DMD: variants seen among roughly 807,000 people sequenced by gnomAD.
DMD encodes mutant dystrophin.
A neutral mutation model predicts 330.1 loss-of-function variants in DMD; 63 were observed. That is an observed-to-expected ratio of 0.19 (90% CI 0.16 to 0.24). DMD has a LOEUF of 0.24. Ranked by LOEUF, DMD falls within the 10% of genes least tolerant of loss-of-function variation. The pLI is 1.00. For synonymous variants in DMD, 1,223 were observed against 959.8 expected (o/e 1.27, Z -5.07); for missense variants, 3,344 against 2,684.1 (o/e 1.25, Z -5.43).
chrX:31,284,910 C>T (rs1272307591), intron 62 of DMD, among the ~76,000 whole-genome samples: 1 of 109,647 alleles, frequency 9.1e-6, no homozygotes, highest in Non-Finnish European at 1.9e-5. Context: ...TCACTCTCCT[C>T]CTGTCCCTCT....
At chrX:31,605,509 G>C (rs1342377939) in intron 55 of DMD, among the ~76,000 whole-genome samples, 1 of 111,798 alleles carries the variant, frequency 8.9e-6, no homozygotes, top group Non-Finnish European at 1.9e-5. Flanking sequence ...AAATGGGAAA[G>C]TATAATAAAT....
At chrX:32,944,318 T>C (rs1014494350) in intron 2 of DMD, among the ~76,000 whole-genome samples, 1 of 112,208 alleles carries the variant, frequency 8.9e-6, no homozygotes, top group Non-Finnish European at 1.9e-5. Flanking sequence ...TAAAATCATT[T>C]CTACATAGTT....
chrX:32,963,501 T>C (rs2091986404), intron 2 of DMD, among the ~76,000 whole-genome samples: 2 of 112,001 alleles, frequency 1.8e-5, no homozygotes, highest in Admixed American at 9.5e-5. Flanking sequence ...GGAGGTCTAA[T>C]CTCTCATCTT....
chrX:31,705,202 C>T (rs1216300970), intron 52 of DMD, among the ~76,000 whole-genome samples: 1 of 112,412 alleles, frequency 8.9e-6, no homozygotes, highest in African/African-American at 3.2e-5. Context: ...TGCAGAAAAA[C>T]AGAGTAAGAT....
intron 60 of DMD, among the ~76,000 whole-genome samples, chrX:31,385,114 T>G (rs2060387017): frequency 8.9e-6 from 1 of 112,137 alleles, no homozygotes; most frequent in Admixed American, 9.5e-5. Flanking sequence ...ACGTACAGGT[T>G]GTTGGAAGCA....
chrX:33,336,931 TC>T (rs1237718541), intron 1 of DMD, among the ~76,000 whole-genome samples: 1 of 111,184 alleles, frequency 9.0e-6, no homozygotes, highest in Non-Finnish European at 1.9e-5. Context: ...TGCCTGCTCT[TC>T]AGGTGCGTGG....
intron 2 of DMD, among the ~76,000 whole-genome samples, chrX:32,910,842 C>A: frequency 8.9e-6 from 1 of 112,123 alleles, no homozygotes; most frequent in East Asian, 2.8e-4. Flanking sequence ...AACTTGCTTT[C>A]TCTCAAGTAG....
At chrX:32,625,472 T>G (rs1483280108) in intron 11 of DMD, among the ~76,000 whole-genome samples, 1 of 112,042 alleles carries the variant, frequency 8.9e-6, no homozygotes, top group Non-Finnish European at 1.9e-5. Flanking sequence ...CGTGAATCCT[T>G]ATTTGCAAGT....
At chrX:32,921,467 A>T (rs2088391464) in intron 2 of DMD, among the ~76,000 whole-genome samples, 1 of 111,976 alleles carries the variant, frequency 8.9e-6, no homozygotes, top group Non-Finnish European at 1.9e-5. Flanking sequence ...GTTTGGTAGT[A>T]TACTGCGTTT....
chrX:32,891,444 G>C (rs2085191879), intron 2 of DMD, among the ~76,000 whole-genome samples: 1 of 112,388 alleles, frequency 8.9e-6, no homozygotes, highest in Non-Finnish European at 1.9e-5. Context: ...ATTTTTAAAA[G>C]TGATCTAAAT....
chrX:31,284,849 CACACACACACACA>C (rs1569517088), intron 62 of DMD, among the ~76,000 whole-genome samples: 1 of 106,765 alleles, frequency 9.4e-6, no homozygotes, highest in African/African-American at 3.6e-5. Context: ...CACACACACA[CACACACACACACA>C]CCCACACCCA....
chrX:33,324,225 A>G (rs1339619657), intron 1 of DMD, among the ~76,000 whole-genome samples: 2 of 110,976 alleles, frequency 1.8e-5, no homozygotes, highest in Middle Eastern at 8.5e-3. Flanking sequence ...AGTGAGTGAG[A>G]CGGAGAAAAG....
At position 32,890,790 on chromosome X, in the gene DMD, G is replaced by A. The variant is rs1356800282; in HGVS notation, c.94-40970C>T. On this transcript the variant is annotated intron_variant, in intron 2 of 78. Transcript: ENST00000357033. ...TTGAAATGGGACTAGCATAACTGAG[G>A]AAGCCAAATTTTCATTTTGCTTTAT... Among the ~76,000 whole-genome samples, 9 of 111,700 alleles carry A rather than the reference G, an allele frequency of 8.1e-5. No homozygotes were observed. The Admixed American group carries it at 8.6e-4, about 11-fold the overall frequency.
rs1447771744 is a variant in DMD at position 32,500,573 on chromosome X, G to T, written c.2380+1182C>A. On this transcript the variant is annotated intron_variant, in intron 19 of 78. Transcript: ENST00000357033. The stretch of plus-strand genomic sequence containing the variant: ...AAAGTGATAATACAGTTTCTAGGGG[G>T]AACTTACATAACAACTAGGAGAATA... Among the ~76,000 whole-genome samples the T allele has an allele frequency of 4.5e-5, 5 of 111,395 alleles. No individual in the cohort carries two copies. The East Asian group carries it at 1.1e-3, about 25-fold the overall frequency.
intron 44 of DMD, among the ~76,000 whole-genome samples, chrX:32,153,636 C>G (rs753702430): frequency 8.9e-6 from 1 of 111,967 alleles, no homozygotes; most frequent in East Asian, 2.8e-4. Flanking sequence ...CCAAGACTAT[C>G]CTAAGGAATT....
At chrX:33,218,395 A>C (rs998055612) in intron 1 of DMD, among the ~76,000 whole-genome samples, 1 of 111,405 alleles carries the variant, frequency 9.0e-6, no homozygotes, top group South Asian at 3.7e-4. Flanking sequence ...GGAAGTTGAC[A>C]GTTCTCTCCT....
chrX:32,801,304 G>T (rs191529625), intron 7 of DMD, among the ~76,000 whole-genome samples: 2 of 111,075 alleles, frequency 1.8e-5, no homozygotes, highest in African/African-American at 6.6e-5. Flanking sequence ...TCACATACTT[G>T]TTGGCCACAT....
chrX:32,597,505 G>C (rs900323407), intron 12 of DMD, among the ~76,000 whole-genome samples: 15 of 111,249 alleles, frequency 1.3e-4, no homozygotes, highest in Non-Finnish European at 1.1e-4. Context: ...AGTGATTTTT[G>C]GTGTAATCAC....
Position 32,637,646 on chromosome X carries a change from G to A in DMD, c.1331+6486C>T, listed in dbSNP as rs1201935931. 6.3e-5 allele frequency among the ~76,000 whole-genome samples: 7 copies of A among 111,634 alleles called. No individual in the cohort carries two copies. The East Asian group carries it at 1.7e-3, about 27-fold the overall frequency. ...AATTGACTCACAGTTCGGCATGGCT[G>A]GGGAGGCCTCAGAAAAAATCATGAT... On this transcript the variant is annotated intron_variant, in intron 11 of 78. Coordinates refer to ENST00000357033, the MANE Select transcript of DMD (RefSeq NM_004006.3).
Sources: gnomAD v4.1 joint callset for allele counts (sites outside exome capture counted in the v4.1 genomes callset) on GRCh38, gnomAD v4.1.1 for gene constraint, MANE v1.5 for transcripts, NCBI Gene and HGNC (gene_info 2026-07-23, HGNC 2026-07-21) for gene names.